CENPF: variants seen among roughly 807,000 people sequenced by gnomAD.
CENPF encodes the protein centromere protein F.
Under a neutral mutation model 307.3 loss-of-function variants are expected in CENPF, and 214 were observed. That is an observed-to-expected ratio of 0.70 (90% CI 0.62 to 0.78). The LOEUF (loss-of-function observed/expected upper bound fraction) is 0.78, where lower values mean the gene tolerates loss of function less well. Ranked by LOEUF, CENPF falls within the 30% of genes least tolerant of loss-of-function variation. The pLI is 0.00. For synonymous variants in CENPF, 1,259 were observed against 1,270.6 expected, an observed-to-expected ratio of 0.99 and a Z score of 0.19; for missense variants, 3,401 against 3,483.9, an observed-to-expected ratio of 0.98 and a Z score of 0.60.
intron 1 of CENPF, among the ~76,000 whole-genome samples, chr1:214,611,711 AT>A (rs1232542614): frequency 1.3e-5 from 2 of 152,200 alleles, no homozygotes; most frequent in Non-Finnish European, 2.9e-5. Context: ...GGTTAGCTGT[AT>A]TTCTAGGTGA....
At chr1:214,606,035 A>G in intron 1 of CENPF, 1 of 1,595,902 alleles carries the variant, frequency 6.3e-7, no homozygotes. Flanking sequence ...CACCGTGCCG[A>G]TGCTCTGCCC....
chr1:214,640,324 C>G lies in CENPF; in HGVS notation c.1986C>G (p.Asn662Lys). Reference sequence around the variant, plus strand: ...AGCAAATAAAAAGTCATGAATACAACGAGAGAGTAAGAACGCTGGAGATGG... The same window carrying G: ...AGCAAATAAAAAGTCATGAATACAAGGAGAGAGTAAGAACGCTGGAGATGG... ...KTQQIKSHEY[N>K]ERVRTLEMDR... Residue 662 changes from asparagine to lysine, a missense_variant, in exon 12 of 20, where the codon AAC becomes AAG. Transcript: ENST00000366955. The G allele has an allele frequency of 6.2e-7, 1 of 1,613,808 alleles. No individual in the cohort carries two copies. The highest frequency in any genetic ancestry group is 1.3e-5 in the African/African-American group (1 of 75,008).
chr1:214,629,416 G>GT (rs1275077042), intron 8 of CENPF, among the ~76,000 whole-genome samples: 1 of 152,034 alleles, frequency 6.6e-6, no homozygotes, highest in Non-Finnish European at 1.5e-5. Flanking sequence ...TTTCTGATTT[G>GT]TTTGAGATTT....
intron 18 of CENPF, 28 bp downstream of exon 18, chr1:214,657,437 T>C (rs1242013183): frequency 1.3e-6 from 2 of 1,496,678 alleles, no homozygotes; most frequent in Non-Finnish European, 1.8e-6. Context: ...ACAAAATTAT[T>C]TGTGTTCTTT....
rs1289077611 is a variant in CENPF at position 214,659,585 on chromosome 1, G to C, written c.9141+557G>C. On this transcript the variant is annotated intron_variant, in intron 19 of 19. Coordinates refer to ENST00000366955, the MANE Select transcript of CENPF (RefSeq NM_016343.4). This position sits in a 1 kb window ranked among gnomAD's most constrained non-coding sequence, Gnocchi z 4.4. The stretch of plus-strand genomic sequence containing the variant: ...CCTACAACATCCCAGAAAATGTTAT[G>C]TAGAGCATAGAGAATATTTGCTTAA... Among the ~76,000 whole-genome samples, 4 of 152,168 alleles carry C rather than the reference G, an allele frequency of 2.6e-5. No homozygotes were observed.
chr1:214,663,578 G>T lies in CENPF; in HGVS notation c.9142-13G>T. On this transcript the variant is annotated splice_polypyrimidine_tract_variant and intron_variant, in intron 19 of 19. Coordinates refer to ENST00000366955, the MANE Select transcript of CENPF (RefSeq NM_016343.4). ...ATGTGATTGAACCTCTAACAGAGAT[G>T]TTTGTGTTGCAGGTCAAAGTTGCTC... 1 of 1,613,570 alleles carries T rather than the reference G, an allele frequency of 6.2e-7. No homozygotes were observed. Among genetic ancestry groups the T allele is most frequent in the South Asian group, 1.1e-5 (1 of 90,992 alleles).
intron 16 of CENPF, 63 bp downstream of exon 16, chr1:214,653,052 T>A: frequency 1.4e-6 from 2 of 1,400,858 alleles, no homozygotes; most frequent in Non-Finnish European, 2.0e-6. Context: ...GTGATTTTAA[T>A]GGTATAGCAT....
chr1:214,603,614 T>A (rs1656946769), intron 1 of CENPF: 1 of 152,196 alleles, frequency 6.6e-6, no homozygotes, highest in African/African-American at 2.4e-5. Context: ...TAGGGGATCA[T>A]TTTCTTCCTC....
intron 8 of CENPF, among the ~76,000 whole-genome samples, chr1:214,630,237 G>C (rs1210407837): frequency 1.3e-5 from 2 of 152,142 alleles, no homozygotes; most frequent in African/African-American, 4.8e-5. Flanking sequence ...TCTTGCCCCT[G>C]ATCCTTCAAA....
At chr1:214,613,525 T>C (rs370851288) in intron 1 of CENPF, 189 bp from the exon 2 acceptor site, 3 of 389,150 alleles carry the variant, frequency 7.7e-6, no homozygotes, top group East Asian at 4.4e-5. Flanking sequence ...AGCAGGACAG[T>C]ATGTACTTCA....
At chr1:214,653,049 T>C in intron 16 of CENPF, 60 bp downstream of exon 16, 2 of 1,426,198 alleles carry the variant, frequency 1.4e-6, no homozygotes, top group Non-Finnish European at 2.0e-6. Context: ...GTAGTGATTT[T>C]AATGGTATAG....
In CENPF at chr1:214,663,933, A is replaced by G; in HGVS notation, c.*139A>G. ...TCCTTAGAAGTCTTAAATATATTGT[A>G]CTCTTTAGATCTCCCATGTGTAGGT... On this transcript the variant is annotated 3_prime_UTR_variant, in exon 20 of 20. Coordinates refer to ENST00000366955, the MANE Select transcript of CENPF (RefSeq NM_016343.4). 2 of 677,356 alleles carry G rather than the reference A, an allele frequency of 3.0e-6. No individual in the cohort carries two copies. The highest frequency in any genetic ancestry group is 2.7e-5 in the East Asian group (1 of 36,548). 42.0% of individuals were successfully genotyped at this position (677,356 alleles called of 1,614,324 possible). A position where few individuals can be genotyped will look rare whatever the true frequency, so the allele number is the denominator to read the frequency against.
Position 214,646,350 on chromosome 1 carries a change from G to C in CENPF, c.6780G>C (p.Met2260Ile). Residue 2260 changes from methionine (M) to isoleucine (I), a missense_variant, in exon 13 of 20, where the codon ATG (methionine) becomes ATC (isoleucine). Met to Ile is a conservative substitution (Grantham distance 10). Coordinates refer to ENST00000366955, the MANE Select transcript of CENPF (RefSeq NM_016343.4). ...IKEESKTAVE[M>I]LQNQLKELNE... is the part of the protein sequence containing the mutation. The stretch of plus-strand genomic sequence containing the variant: ...AAGAATCTAAAACTGCAGTGGAGAT[G>C]CTTCAGAATCAGTTAAAGGAGCTAA... 1 of 1,613,948 alleles carries C rather than the reference G, an allele frequency of 6.2e-7. No homozygotes were observed. Among genetic ancestry groups the C allele is most frequent in the Non-Finnish European group, 8.5e-7 (1 of 1,179,962 alleles).
Position 214,645,813 on chromosome 1 carries a change from A to G in CENPF, c.6243A>G (p.Glu2081=). The G allele has an allele frequency of 1.2e-6, 2 of 1,614,214 alleles. No individual in the cohort carries two copies. Among genetic ancestry groups the G allele is most frequent in the Non-Finnish European group, 8.5e-7 (1 of 1,180,020 alleles). ...AAAGCCTGCAGGCCAGACTGAGTGA[A>G]TCAGATTATGAAAAGCTGAATGTCT... The part of the protein sequence containing the change: ...ESESLQARLS[E]SDYEKLNVSK... The change falls in exon 13 of 20, where the codon GAA becomes GAG. Residue 2081 remains glutamate (E), a synonymous_variant. Transcript: ENST00000366955.
intron 18 of CENPF, 85 bp downstream of exon 18, chr1:214,657,494 C>CT: frequency 9.8e-7 from 1 of 1,016,464 alleles, no homozygotes; most frequent in South Asian, 1.6e-5. Context: ...AAAGTATTTG[C>CT]TTTTTTACAT....
chr1:214,663,438 G>C (rs1046588075), intron 19 of CENPF, among the ~76,000 whole-genome samples, 153 bp from the exon 20 acceptor site: 1 of 152,180 alleles, frequency 6.6e-6, no homozygotes, highest in African/African-American at 2.4e-5. Context: ...CTGTTAGATG[G>C]GGCCTGTTCT....
Position 214,651,776 on chromosome 1 carries a change from G to C in CENPF, c.8050G>C (p.Asp2684His). ...GAAGAGCCTAGATTGCATGCACAAA[G>C]ACCAGGTGGAAAAGGAAGGGAAAGT... ...LKKSLDCMHK[D>H]QVEKEGKVRE... Residue 2684 changes from aspartate (D) to histidine (H), a missense_variant, in exon 15 of 20, where the codon GAC (aspartate) becomes CAC (histidine). By Grantham distance (81) the Asp-to-His change is moderately conservative. Transcript: ENST00000366955. 6.2e-7 allele frequency: 1 copy of C among 1,613,502 alleles called. No homozygotes were observed. The highest frequency in any genetic ancestry group is 8.5e-7 in the Non-Finnish European group (1 of 1,179,754).
At chr1:214,638,689 G>A (rs978548397) in intron 11 of CENPF, among the ~76,000 whole-genome samples, 1 of 152,056 alleles carries the variant, frequency 6.6e-6, no homozygotes, top group African/African-American at 2.4e-5. Flanking sequence ...GTGTGGTGGC[G>A]GGTGCCTGTA....
In CENPF at chr1:214,641,619, AAAG is replaced by A; in HGVS notation, c.3284_3286del (p.Arg1095del). 1 of 1,562,340 alleles carries A rather than the reference AAAG, an allele frequency of 6.4e-7. No homozygotes were observed. The highest frequency in any genetic ancestry group is 8.6e-7 in the Non-Finnish European group (1 of 1,159,390). The stretch of plus-strand genomic sequence containing the variant: ...TTAACAAAATTAGCATTTGCTGAAG[AAAG>A]AAATCAGAATCTGATGCTAGAGTTG... On this transcript the variant is annotated inframe_deletion, in exon 12 of 20. Transcript: ENST00000366955.
Sources: allele counts gnomAD v4.1 joint callset (sites outside exome capture counted in the v4.1 genomes callset), GRCh38; gene constraint gnomAD v4.1.1; non-coding constraint Gnocchi (gnomAD v3.1); transcripts MANE v1.5; gene names NCBI Gene and HGNC (gene_info 2026-07-23, HGNC 2026-07-21).